The following DEPDC5 variants were observed in gnomAD, a reference collection of about 807,000 sequenced individuals.
DEPDC5 encodes DEP domain containing 5, GATOR1 subcomplex subunit.
DEPDC5 carries 73 observed loss-of-function variants against 217.3 expected under a neutral mutation model. The ratio of observed to expected loss-of-function variants is 0.34; its 90% confidence interval spans 0.28 to 0.41. The LOEUF (loss-of-function observed/expected upper bound fraction) is 0.41, where lower values mean the gene tolerates loss of function less well. Among genes scored for constraint, DEPDC5 ranks in the 10% least tolerant of loss-of-function variants. The pLI is 1.00. For synonymous variants in DEPDC5, 733 were observed against 756.7 expected (o/e 0.97, Z 0.51); for missense variants, 1,675 against 2,070.1 (o/e 0.81, Z 3.70).
Position 31,838,980 on chromosome 22 carries a change from TTAAG to T in DEPDC5, c.2515+137_2515+140del, listed in dbSNP as rs376056541. On this transcript the variant is annotated intron_variant, in intron 27 of 42. Transcript: ENST00000651528. The stretch of plus-strand genomic sequence containing the variant: ...TAGAAGTTTTCTTTATAAATTCTAC[TTAAG>T]TGAGGAATAAAGTCTCCTTTAGGTA... The T allele has an allele frequency of 8.2e-4, 776 of 946,068 alleles. 7 individuals carry two copies. The African/African-American group carries it at 0.012, about 15-fold the overall frequency. The allele number at this position is 946,068 out of a possible 1,614,324, so 58.6% of individuals were successfully genotyped here.
At chr22:31,764,856 T>C in intron 4 of DEPDC5, 119 bp from the exon 5 acceptor site, 2 of 692,584 alleles carry the variant, frequency 2.9e-6, no homozygotes, top group Non-Finnish European at 5.1e-6. Flanking sequence ...AGAGACTGTG[T>C]GTTGCCCGTG....
chr22:31,781,727 G>C (rs919488384), intron 8 of DEPDC5, among the ~76,000 whole-genome samples: 1 of 151,688 alleles, frequency 6.6e-6, no homozygotes, highest in African/African-American at 2.4e-5. Context: ...ACCACACCTG[G>C]CCAAAAAAAT....
intron 4 of DEPDC5, among the ~76,000 whole-genome samples, chr22:31,761,626 G>A (rs113079742): frequency 2.8e-5 from 4 of 144,376 alleles, no homozygotes; most frequent in African/African-American, 5.2e-5. Context: ...CGGTGCCACC[G>A]CAGTCTAGCC....
chr22:31,791,046 C>T (rs920201233), intron 10 of DEPDC5, among the ~76,000 whole-genome samples: 3 of 152,010 alleles, frequency 2.0e-5, no homozygotes, highest in African/African-American at 7.2e-5. Context: ...CACGCCCAGC[C>T]GAAACCCTGT....
At chr22:31,846,752 G>A in intron 30 of DEPDC5, 82 bp from the exon 31 acceptor site, 1 of 1,597,056 alleles carries the variant, frequency 6.3e-7, no homozygotes, top group Non-Finnish European at 8.6e-7. Flanking sequence ...GCCTGGGAAT[G>A]CTGCAGCATG....
intron 7 of DEPDC5, among the ~76,000 whole-genome samples, chr22:31,774,517 A>G (rs1204214451): frequency 2.0e-5 from 3 of 151,176 alleles, no homozygotes; most frequent in Non-Finnish European, 4.4e-5. Context: ...CTTGTTTTAG[A>G]GGTCCTGTGA....
At chr22:31,782,080 T>A (rs2084505262) in intron 8 of DEPDC5, among the ~76,000 whole-genome samples, 1 of 152,114 alleles carries the variant, frequency 6.6e-6, no homozygotes, top group Non-Finnish European at 1.5e-5. Context: ...CCTTGCATAT[T>A]TATTATGATA....
intron 36 of DEPDC5, chr22:31,875,683 A>G (rs1602634588): frequency 8.0e-6 from 1 of 125,196 alleles, no homozygotes; most frequent in Non-Finnish European, 1.5e-5. Context: ...CCTAGGCTGG[A>G]GTGCAGTAGT....
At chr22:31,898,410 T>C (rs935157097) in intron 40 of DEPDC5, among the ~76,000 whole-genome samples, 1 of 152,170 alleles carries the variant, frequency 6.6e-6, no homozygotes, top group African/African-American at 2.4e-5. Context: ...TATAAATAGC[T>C]CCTACAAAGC....
chr22:31,768,509 T>C (rs1028798905), intron 6 of DEPDC5, among the ~76,000 whole-genome samples: 9 of 152,210 alleles, frequency 5.9e-5, no homozygotes, highest in African/African-American at 1.7e-4. Context: ...CAGATATGTA[T>C]GTAAACATAT....
At chr22:31,896,734 G>T (rs1447492316) in intron 39 of DEPDC5, among the ~76,000 whole-genome samples, 1 of 152,146 alleles carries the variant, frequency 6.6e-6, no homozygotes, top group African/African-American at 2.4e-5. Context: ...ATTATCAGAA[G>T]CCACTGTGGT....
At chr22:31,838,997 T>A in intron 27 of DEPDC5, 152 bp downstream of exon 27, 1 of 853,836 alleles carries the variant, frequency 1.2e-6, no homozygotes, top group South Asian at 2.1e-5. Context: ...AGGAATAAAG[T>A]CTCCTTTAGG....
chr22:31,866,506 C>A (rs1280230201), intron 33 of DEPDC5, among the ~76,000 whole-genome samples: 1 of 152,184 alleles, frequency 6.6e-6, no homozygotes, highest in Non-Finnish European at 1.5e-5. Flanking sequence ...CTGCCTCAGC[C>A]TCCCAAGTAG....
chr22:31,754,056 C>A lies in DEPDC5; in HGVS notation c.-169C>A. The A allele has an allele frequency of 6.5e-6, 1 of 153,160 alleles. No individual in the cohort carries two copies. Among genetic ancestry groups the A allele is most frequent in the Non-Finnish European group, 1.5e-5 (1 of 68,854 alleles). The allele number at this position is 153,160 out of a possible 1,614,324, so 9.5% of individuals were successfully genotyped here. ...CGCTTCAGGCTTAGGGGCGGAACAG[C>A]GCGGGCCGCGCGGGCGTAGGCGGGG... is the stretch of plus-strand genomic sequence containing the variant. On this transcript the variant is annotated 5_prime_UTR_variant, in exon 1 of 43. Transcript: ENST00000651528.
chr22:31,863,310 G>A (rs1477886360), intron 33 of DEPDC5, among the ~76,000 whole-genome samples: 3 of 152,164 alleles, frequency 2.0e-5, no homozygotes, highest in Non-Finnish European at 4.4e-5. Context: ...AGGATTACAG[G>A]TGTGCACCAC....
At chr22:31,777,245 C>T (rs2083962760) in intron 7 of DEPDC5, among the ~76,000 whole-genome samples, 2 of 146,540 alleles carry the variant, frequency 1.4e-5, no homozygotes, top group Non-Finnish European at 3.0e-5. Context: ...TAGGCATGAA[C>T]CACTGCACCT....
At chr22:31,880,239 A>G (rs2093137117) in intron 38 of DEPDC5, 1 of 169,690 alleles carries the variant, frequency 5.9e-6, no homozygotes. Flanking sequence ...TGCTTACCAT[A>G]TTGAAGGATG....
At chr22:31,874,465 G>A in intron 36 of DEPDC5, 60 bp downstream of exon 36, 1 of 1,529,236 alleles carries the variant, frequency 6.5e-7, no homozygotes, top group South Asian at 1.2e-5. Context: ...ATCAGGGCCT[G>A]CCTTAGAAGC....
intron 33 of DEPDC5, 63 bp downstream of exon 33, chr22:31,861,496 T>A: frequency 6.6e-7 from 1 of 1,521,630 alleles, no homozygotes; most frequent in South Asian, 1.2e-5. Flanking sequence ...GCTGGCCTTC[T>A]GTTAGGCTCT....
Sources: allele counts gnomAD v4.1 joint callset (sites outside exome capture counted in the v4.1 genomes callset), GRCh38; gene constraint gnomAD v4.1.1; transcripts MANE v1.5; gene names NCBI Gene and HGNC (gene_info 2026-07-23, HGNC 2026-07-21).